The following ZNF654 variants were observed in gnomAD, a reference collection of about 807,000 sequenced individuals.
The protein encoded by ZNF654 is melanoma-associated antigen.
Under a neutral mutation model 95.3 loss-of-function variants are expected in ZNF654, and 19 were observed. The observed-to-expected ratio is 0.20, with a 90% CI of 0.14 to 0.29. The LOEUF (loss-of-function observed/expected upper bound fraction) is 0.29, where lower values mean the gene tolerates loss of function less well. Ranked by LOEUF, ZNF654 falls within the 10% of genes least tolerant of loss-of-function variation. The pLI is 1.00. For missense variants in ZNF654, 1,046 were observed against 1,341.0 expected (o/e 0.78, Z 3.44); for synonymous variants, 413 against 457.9 (o/e 0.90, Z 1.25).
chr3:88,118,748 G>C (rs570124432), intron 3 of ZNF654, among the ~76,000 whole-genome samples: 1 of 152,164 alleles, frequency 6.6e-6, no homozygotes, highest in Non-Finnish European at 1.5e-5. Flanking sequence ...TTTCAAAACT[G>C]TGCTACCATA....
chr3:88,133,200 A>C (rs1378225682), intron 6 of ZNF654, among the ~76,000 whole-genome samples: 1 of 152,116 alleles, frequency 6.6e-6, no homozygotes, highest in Non-Finnish European at 1.5e-5. Flanking sequence ...GTCACATAGG[A>C]GACATGGCCA....
At position 88,109,907 on chromosome 3, in the gene ZNF654, G is replaced by T. The variant is rs558220707; in HGVS notation, c.333-3208G>T. Among the ~76,000 whole-genome samples, 13 of 152,166 alleles carry T rather than the reference G, an allele frequency of 8.5e-5. No homozygotes were observed. In the South Asian group the frequency reaches 2.5e-3, roughly 29 times the overall value. On this transcript the variant is annotated intron_variant, in intron 2 of 8. Transcript: ENST00000636215. ...TGATACAATAATACATTTTTGGAAA[G>T]AAATCTTTTGATGAGTTTAATCAGA...
rs1335189439 is a variant in ZNF654, at chr3:88,129,631, A to G, written c.754-56A>G. On this transcript the variant is annotated intron_variant, in intron 5 of 8. Coordinates refer to ENST00000636215, the MANE Select transcript of ZNF654 (RefSeq NM_001350134.2). ...CTTGAATGTTTAAACATTTATTGCA[A>G]CTAGCTTCTTAGATATTTTTAATTA... 8 of 1,281,710 alleles carry G rather than the reference A, an allele frequency of 6.2e-6. No homozygotes were observed. The South Asian group carries it at 1.1e-4, about 17-fold the overall frequency. The allele number at this position is 1,281,710 out of a possible 1,614,324, so 79.4% of individuals were successfully genotyped here. A position where few individuals can be genotyped will look rare whatever the true frequency, so the allele number is the denominator to read the frequency against.
At chr3:88,062,684 TA>T (rs1346682591) in intron 1 of ZNF654, among the ~76,000 whole-genome samples, 1 of 152,146 alleles carries the variant, frequency 6.6e-6, no homozygotes, top group Non-Finnish European at 1.5e-5. Context: ...TAATGAGTAA[TA>T]AAAAAGGATT....
At chr3:88,134,187 T>C (rs1431733987) in intron 6 of ZNF654, among the ~76,000 whole-genome samples, 1 of 152,026 alleles carries the variant, frequency 6.6e-6, no homozygotes, top group African/African-American at 2.4e-5. Context: ...GTTTTACTAC[T>C]CATATGTTGC....
intron 1 of ZNF654, among the ~76,000 whole-genome samples, chr3:88,067,081 T>G (rs919362116): frequency 6.6e-6 from 1 of 152,160 alleles, no homozygotes; most frequent in African/African-American, 2.4e-5. Flanking sequence ...AAAGACTCCA[T>G]CTAAACAGTA....
At chr3:88,111,324 G>C (rs1228333957) in intron 2 of ZNF654, among the ~76,000 whole-genome samples, 1 of 151,896 alleles carries the variant, frequency 6.6e-6, no homozygotes, top group Admixed American at 6.6e-5. Context: ...ACCCTTTGCA[G>C]AGTCAGTTGC....
intron 1 of ZNF654, among the ~76,000 whole-genome samples, chr3:88,061,094 A>G (rs2107578766): frequency 6.6e-6 from 1 of 152,238 alleles, no homozygotes; most frequent in East Asian, 1.9e-4. Context: ...TTTTCAGAGC[A>G]CTTGTTTTGT....
intron 6 of ZNF654, among the ~76,000 whole-genome samples, chr3:88,134,122 G>C (rs1280523161): frequency 6.6e-6 from 1 of 151,654 alleles, no homozygotes; most frequent in Admixed American, 6.6e-5. Flanking sequence ...AAAAGGTGGG[G>C]GGTAGTGGAC....
rs1290120634 is a variant in ZNF654 at position 88,142,902 on chromosome 3, A to G, written c.*1250A>G. ...TTAATAAAGTGTTAAAACAATAAAT[A>G]TTTTTAAAAATACCCTCTCAGATGT... On this transcript the variant is annotated 3_prime_UTR_variant, in exon 9 of 9. Coordinates refer to ENST00000636215, the MANE Select transcript of ZNF654 (RefSeq NM_001350134.2). The G allele has an allele frequency of 5.9e-5, 9 of 152,276 alleles. No individual in the cohort carries two copies. The highest frequency in any genetic ancestry group is 1.2e-4 in the Non-Finnish European group (8 of 67,772). The allele number at this position is 152,276 out of a possible 1,614,324, so 9.4% of individuals were successfully genotyped here.
intron 2 of ZNF654, among the ~76,000 whole-genome samples, chr3:88,093,546 G>A (rs1397966574): frequency 6.6e-6 from 1 of 152,188 alleles, no homozygotes; most frequent in Non-Finnish European, 1.5e-5. Context: ...TTGGCAAGCT[G>A]TCTAAGAGAA....
In ZNF654 at chr3:88,128,838, C is replaced by G; in HGVS notation, c.580C>G (p.Leu194Val). Residue 194 changes from leucine (L) to valine (V), a missense_variant, in exon 5 of 9, where the codon CTG becomes GTG. Transcript: ENST00000636215. ...VNKYLSSENP[L>V]FFELRARYLI... ...CAAATATTTAAGTTCTGAAAATCCA[C>G]TGTTCTTTGAACTACGTGCCAGATA... 1 of 1,535,284 alleles carries G rather than the reference C, an allele frequency of 6.5e-7. No individual in the cohort carries two copies. The highest frequency in any genetic ancestry group is 8.7e-7 in the Non-Finnish European group (1 of 1,146,376).
chr3:88,101,657 G>C (rs1365171489), intron 2 of ZNF654, among the ~76,000 whole-genome samples: 1 of 152,010 alleles, frequency 6.6e-6, no homozygotes, highest in East Asian at 1.9e-4. Context: ...GTCTTATGTG[G>C]CCACATCTTT....
chr3:88,079,806 C>A (rs1707990622), intron 1 of ZNF654, among the ~76,000 whole-genome samples: 1 of 152,038 alleles, frequency 6.6e-6, no homozygotes, highest in South Asian at 2.1e-4. Context: ...GTATAAATAT[C>A]AACTTTTAAG....
chr3:88,128,718 G>A (rs1259957791), intron 4 of ZNF654, 91 bp from the exon 5 acceptor site: 1 of 847,134 alleles, frequency 1.2e-6, no homozygotes, highest in Non-Finnish European at 1.8e-6. Flanking sequence ...AATCTAATTA[G>A]AAACCATATT....
At chr3:88,128,468 T>C (rs1239874894) in intron 4 of ZNF654, among the ~76,000 whole-genome samples, 1 of 152,078 alleles carries the variant, frequency 6.6e-6, no homozygotes, top group African/African-American at 2.4e-5. Flanking sequence ...TATGTAATCT[T>C]AGACTAAAAA....
intron 2 of ZNF654, among the ~76,000 whole-genome samples, chr3:88,088,996 C>T (rs977020055): frequency 6.6e-6 from 1 of 151,756 alleles, no homozygotes; most frequent in African/African-American, 2.4e-5. Flanking sequence ...TGGTTTTGAA[C>T]TCCTGACCTC....
At chr3:88,092,464 C>T (rs949496661) in intron 2 of ZNF654, among the ~76,000 whole-genome samples, 5 of 151,918 alleles carry the variant, frequency 3.3e-5, no homozygotes, top group Non-Finnish European at 7.4e-5. Context: ...TCTTGGAGGT[C>T]AGCAAAAATG....
At chr3:88,082,405 G>A (rs544435725) in intron 1 of ZNF654, among the ~76,000 whole-genome samples, 13 of 152,326 alleles carry the variant, frequency 8.5e-5, no homozygotes, top group South Asian at 2.1e-4. Flanking sequence ...GATTACAGGC[G>A]TGAGCCACCA....
Sources: gnomAD v4.1 joint callset for allele counts (sites outside exome capture counted in the v4.1 genomes callset) on GRCh38, gnomAD v4.1.1 for gene constraint, MANE v1.5 for transcripts, NCBI Gene and HGNC (gene_info 2026-07-23, HGNC 2026-07-21) for gene names.